Variants in ZNF738 observed in about 807,000 individuals in gnomAD.
ZNF738 encodes the protein zinc finger protein 738.
Under a neutral mutation model 9.2 loss-of-function variants are expected in ZNF738, and 10 were observed. The observed-to-expected ratio is 1.09, with a 90% CI of 0.67 to 1.85. ZNF738 has a LOEUF of 1.85. Among genes scored for constraint, ZNF738 ranks in the 40% most tolerant of loss-of-function variants. The pLI, the probability that ZNF738 is intolerant of heterozygous loss-of-function variation, is 0.00. For missense variants in ZNF738, 346 were observed against 283.6 expected (o/e 1.22, Z -1.58); for synonymous variants, 113 against 94.5 (o/e 1.20, Z -1.14).
rs115054094 is a variant in ZNF738, at chr19:21,384,491, G to A, written c.*817G>A. On this transcript the variant is annotated 3_prime_UTR_variant, in exon 5 of 5. Transcript: ENST00000683779. ...CACATAAGATGATTCATACTGGAGA[G>A]AGACCCTACAAACATGAAGAAAGTG... 3.9e-3 allele frequency among the ~76,000 whole-genome samples: 595 copies of A among 152,246 alleles called. 5 individuals carry two copies. Among genetic ancestry groups the A allele is most frequent in the African/African-American group, 0.014 (566 of 41,546 alleles).
intron 1 of ZNF738, 30 bp downstream of exon 1, chr19:21,359,173 G>T (rs1477733906): frequency 2.9e-6 from 3 of 1,036,116 alleles, no homozygotes; most frequent in Non-Finnish European, 4.6e-6. Flanking sequence ...CATCCCGAGA[G>T]AGGGGAAGGG....
chr19:21,368,952 G>T (rs1191735680), intron 2 of ZNF738, among the ~76,000 whole-genome samples: 1 of 152,042 alleles, frequency 6.6e-6, no homozygotes, highest in Non-Finnish European at 1.5e-5. Context: ...TGGCCAGGCT[G>T]GTCTTGAACT....
At position 21,382,937 on chromosome 19, in the gene ZNF738, C is replaced by A; in HGVS notation, c.391C>A (p.Leu131Met). ...GIKDSFQKVI[L>M]REYGNYGHKD... ...AAAAGATTCTTTCCAAAAAGTGATA[C>A]TGAGAGAATATGGAAATTATGGACA... is the stretch of plus-strand genomic sequence containing the variant. The change falls in exon 5 of 5, where the codon CTG (leucine) becomes ATG (methionine). Residue 131 changes from leucine to methionine, a missense_variant. Transcript: ENST00000683779. 1.7e-6 allele frequency: 1 copy of A among 591,446 alleles called. No individual in the cohort carries two copies. The highest frequency in any genetic ancestry group is 3.2e-6 in the Non-Finnish European group (1 of 314,232). 36.6% of individuals were successfully genotyped at this position (591,446 alleles called of 1,614,324 possible). A position where few individuals can be genotyped will look rare whatever the true frequency, so the allele number is the denominator to read the frequency against.
At chr19:21,371,246 TCAGCCTGAGTTTCTC>T (rs1460688899) in intron 2 of ZNF738, among the ~76,000 whole-genome samples, 1 of 152,242 alleles carries the variant, frequency 6.6e-6, no homozygotes, top group Non-Finnish European at 1.5e-5. Context: ...CTATTTAGAA[TCAGCCTGAGTTTCTC>T]CAGCCTGGCT....
intron 2 of ZNF738, among the ~76,000 whole-genome samples, chr19:21,364,590 G>T (rs1429180415): frequency 6.6e-6 from 1 of 152,086 alleles, no homozygotes; most frequent in Non-Finnish European, 1.5e-5. Flanking sequence ...CCAAGAGAGG[G>T]TCCTTGGATT....
At chr19:21,372,794 A>G (rs1411866571) in intron 2 of ZNF738, 1 of 152,044 alleles carries the variant, frequency 6.6e-6, no homozygotes. Flanking sequence ...GCAACATACT[A>G]TTGAGCACAT....
In ZNF738 at chr19:21,386,469, A is replaced by G; in HGVS notation, c.*2795A>G. 6.0e-6 allele frequency: 2 copies of G among 334,940 alleles called. No individual in the cohort carries two copies. The highest frequency in any genetic ancestry group is 6.1e-6 in the Non-Finnish European group (1 of 162,982). 20.7% of individuals were successfully genotyped at this position (334,940 alleles called of 1,614,324 possible). ...TTATCCAGTCCTCAACTCCCACTAA[A>G]CATAACATAATTCATACTGGAGAGA... On this transcript the variant is annotated 3_prime_UTR_variant, in exon 5 of 5. Coordinates refer to ENST00000683779, the MANE Select transcript of ZNF738 (RefSeq NM_001355237.2).
At chr19:21,381,031 G>A (rs1568371155) in intron 4 of ZNF738, among the ~76,000 whole-genome samples, 1 of 152,166 alleles carries the variant, frequency 6.6e-6, no homozygotes, top group Non-Finnish European at 1.5e-5. Context: ...CTCATTTTCT[G>A]TCCCCTAATG....
At chr19:21,372,553 G>T (rs1411710944) in intron 2 of ZNF738, 1 of 152,124 alleles carries the variant, frequency 6.6e-6, no homozygotes, top group Admixed American at 6.5e-5. Flanking sequence ...TTTAAATTTT[G>T]TAGTAAAACC....
intron 2 of ZNF738, among the ~76,000 whole-genome samples, chr19:21,363,523 C>A (rs1329900750): frequency 6.6e-6 from 1 of 152,132 alleles, no homozygotes; most frequent in East Asian, 1.9e-4. Context: ...GAGGGTCTTA[C>A]TGACCGTGTA....
chr19:21,364,032 A>C (rs1016020683), intron 2 of ZNF738, among the ~76,000 whole-genome samples: 4 of 151,838 alleles, frequency 2.6e-5, no homozygotes, highest in African/African-American at 9.7e-5. Flanking sequence ...CCCCGTCTCT[A>C]CTAAAAATAC....
At chr19:21,363,458 A>G (rs529651557) in intron 2 of ZNF738, among the ~76,000 whole-genome samples, 4 of 152,334 alleles carry the variant, frequency 2.6e-5, no homozygotes, top group East Asian at 1.9e-4. Flanking sequence ...GAGAGAAGCT[A>G]GAGTCCTGGA....
chr19:21,361,585 AT>A (rs931032041), intron 1 of ZNF738, among the ~76,000 whole-genome samples, 180 bp from the exon 2 acceptor site: 8 of 152,214 alleles, frequency 5.3e-5, no homozygotes, highest in African/African-American at 1.7e-4. Flanking sequence ...TGTTATCGGA[AT>A]TTTTTTGGGT....
intron 4 of ZNF738, among the ~76,000 whole-genome samples, chr19:21,376,925 G>C (rs773898555): frequency 6.6e-6 from 1 of 152,076 alleles, no homozygotes; most frequent in Non-Finnish European, 1.5e-5. Context: ...GGCCTAACAG[G>C]TGGTCTATCA....
chr19:21,363,772 C>T (rs1281528630), intron 2 of ZNF738, among the ~76,000 whole-genome samples: 1 of 150,512 alleles, frequency 6.6e-6, no homozygotes, highest in African/African-American at 2.5e-5. Context: ...GCCTATAATC[C>T]AGCTATTCTG....
At chr19:21,373,020 T>A (rs1236221485) in intron 2 of ZNF738, among the ~76,000 whole-genome samples, 1 of 152,198 alleles carries the variant, frequency 6.6e-6, no homozygotes, top group East Asian at 1.9e-4. Flanking sequence ...GTGCCTGCTT[T>A]CTCTAACTAA....
At chr19:21,377,288 CAA>C (rs1050379514) in intron 4 of ZNF738, 1 of 525,496 alleles carries the variant, frequency 1.9e-6, no homozygotes, top group African/African-American at 2.0e-5. Flanking sequence ...GCCTGGGTAA[CAA>C]GAGCAAACTC....
intron 4 of ZNF738, among the ~76,000 whole-genome samples, chr19:21,382,483 T>C (rs535605003): frequency 6.6e-6 from 1 of 152,082 alleles, no homozygotes; most frequent in Non-Finnish European, 1.5e-5. Flanking sequence ...ATGATCCACA[T>C]GCTTCAGCCT....
chr19:21,365,682 C>T (rs149342318), intron 2 of ZNF738, among the ~76,000 whole-genome samples: 11 of 152,086 alleles, frequency 7.2e-5, no homozygotes, highest in Admixed American at 4.6e-4. Flanking sequence ...CTAGGCTGGG[C>T]GTGGTAGCTC....
Sources: allele counts gnomAD v4.1 joint callset (sites outside exome capture counted in the v4.1 genomes callset), GRCh38; gene constraint gnomAD v4.1.1; transcripts MANE v1.5; gene names NCBI Gene and HGNC (gene_info 2026-07-23, HGNC 2026-07-21).